VPS13B: variants seen among roughly 807,000 people sequenced by gnomAD.
The protein encoded by VPS13B is vacuolar protein sorting 13 homolog B, also known as intermembrane lipid transfer protein VPS13B.
Under a neutral mutation model 426.4 loss-of-function variants are expected in VPS13B, and 285 were observed. That is an observed-to-expected ratio of 0.67 (90% CI 0.61 to 0.74). VPS13B has a LOEUF of 0.74. VPS13B is among the 30% of genes least tolerant of loss of function. The probability of loss-of-function intolerance (pLI) is 0.00; values close to 1 mark genes in which losing one functional copy is unlikely to be tolerated. For synonymous variants in VPS13B, 1,676 were observed against 1,676.4 expected, an observed-to-expected ratio of 1.00 and a Z score of 0.01; for missense variants, 4,537 against 4,782.6, an observed-to-expected ratio of 0.95 and a Z score of 1.51.
Position 99,594,234 on chromosome 8 carries a change from G to C in VPS13B, c.5220+16601G>C, listed in dbSNP as rs143476122. Among the ~76,000 whole-genome samples, 125 of 152,042 alleles carry C rather than the reference G, an allele frequency of 8.2e-4. No individual in the cohort carries two copies. In the Middle Eastern group the frequency reaches 0.01, roughly 12 times the overall value. ...CATAGTGGTCAAGAACTTGAGCTTT[G>C]TTGTTGGAGTCCGGCAATAAATCCC... On this transcript the variant is annotated intron_variant, in intron 33 of 61. Transcript: ENST00000357162.
intron 17 of VPS13B, among the ~76,000 whole-genome samples, chr8:99,211,771 A>C (rs28617503): frequency 0.73 from 111,494 of 152,002 alleles, 41,633 homozygotes; most frequent in South Asian, 0.86. Flanking sequence ...GAGAGAAAAA[A>C]ATTACTTATG....
chr8:99,618,475 CA>C (rs1828206181), intron 33 of VPS13B, among the ~76,000 whole-genome samples: 1 of 152,152 alleles, frequency 6.6e-6, no homozygotes, highest in Non-Finnish European at 1.5e-5. Context: ...AATTGAGTGA[CA>C]AAGTGGTTGT....
At chr8:99,755,175 T>C (rs117932357) in intron 39 of VPS13B, among the ~76,000 whole-genome samples, 547 of 152,244 alleles carry the variant, frequency 3.6e-3, no homozygotes, top group Non-Finnish European at 6.6e-3. Flanking sequence ...CTCTCACCTC[T>C]GTCTGTCCTT....
At chr8:99,150,669 A>G (rs1811024597) in intron 14 of VPS13B, among the ~76,000 whole-genome samples, 1 of 152,194 alleles carries the variant, frequency 6.6e-6, no homozygotes, top group African/African-American at 2.4e-5. Flanking sequence ...TCTTTTACTT[A>G]GTGATATGGA....
At chr8:99,170,471 A>C (rs1462032805) in intron 16 of VPS13B, among the ~76,000 whole-genome samples, 1 of 151,832 alleles carries the variant, frequency 6.6e-6, no homozygotes, top group African/African-American at 2.4e-5. Context: ...TTTTTTCAAG[A>C]GTGGGTATAA....
At chr8:99,185,814 A>T (rs1563589804) in intron 16 of VPS13B, among the ~76,000 whole-genome samples, 1 of 151,670 alleles carries the variant, frequency 6.6e-6, no homozygotes, top group African/African-American at 2.4e-5. Flanking sequence ...AGAAGAAGGA[A>T]TTTTTTTTTA....
At chr8:99,331,480 C>G (rs186690395) in intron 19 of VPS13B, among the ~76,000 whole-genome samples, 118 of 151,844 alleles carry the variant, frequency 7.8e-4, no homozygotes, top group African/African-American at 2.7e-3. Flanking sequence ...GACTTATGTT[C>G]TCATTAGCAT....
At chr8:99,120,204 T>A (rs1398072874) in intron 7 of VPS13B, 2 of 150,758 alleles carry the variant, frequency 1.3e-5, no homozygotes, top group Non-Finnish European at 3.0e-5. Flanking sequence ...CTATGAATTT[T>A]ACACCCGGAC....
At chr8:99,421,227 T>C (rs887299371) in intron 21 of VPS13B, among the ~76,000 whole-genome samples, 1 of 152,254 alleles carries the variant, frequency 6.6e-6, no homozygotes, top group East Asian at 1.9e-4. Flanking sequence ...AAGATATAAT[T>C]GTTGATATGT....
chr8:99,256,811 G>A (rs187660356), intron 17 of VPS13B, among the ~76,000 whole-genome samples: 21 of 152,106 alleles, frequency 1.4e-4, no homozygotes, highest in African/African-American at 4.3e-4. Context: ...TAAGTGATTT[G>A]CAGATATTTT....
chr8:99,338,754 T>C (rs1811070620), intron 19 of VPS13B, among the ~76,000 whole-genome samples: 1 of 152,152 alleles, frequency 6.6e-6, no homozygotes, highest in African/African-American at 2.4e-5. Context: ...GTTTTGAAGC[T>C]TAGACATTCT....
intron 60 of VPS13B, 79 bp from the exon 61 acceptor site, chr8:99,871,369 C>A (rs1817403774): frequency 6.2e-7 from 1 of 1,607,960 alleles, no homozygotes; most frequent in Admixed American, 1.7e-5. Context: ...GAGGTTGCCC[C>A]ATTGGTAAAT....
intron 33 of VPS13B, among the ~76,000 whole-genome samples, chr8:99,609,588 T>C (rs1827755195): frequency 2.0e-5 from 3 of 152,192 alleles, no homozygotes; most frequent in South Asian, 2.1e-4. Flanking sequence ...TTAGTACAGC[T>C]TGCAGTTTAG....
intron 33 of VPS13B, among the ~76,000 whole-genome samples, chr8:99,617,098 GATACACAT>G (rs1236464154): frequency 6.6e-6 from 1 of 152,140 alleles, no homozygotes; most frequent in East Asian, 1.9e-4. Flanking sequence ...TATCAGCACA[GATACACAT>G]ATACACAAAA....
At chr8:99,296,112 T>A (rs1820027257) in intron 19 of VPS13B, among the ~76,000 whole-genome samples, 3 of 152,174 alleles carry the variant, frequency 2.0e-5, no homozygotes, top group African/African-American at 7.2e-5. Context: ...GTTGAAAAAT[T>A]TTATGCTGAA....
At chr8:99,266,222 T>C (rs1818289371) in intron 17 of VPS13B, among the ~76,000 whole-genome samples, 1 of 151,696 alleles carries the variant, frequency 6.6e-6, no homozygotes, top group South Asian at 2.1e-4. Flanking sequence ...GAATTAGGGT[T>C]AGCCTGGGCA....
intron 19 of VPS13B, among the ~76,000 whole-genome samples, chr8:99,308,831 C>T (rs1820790845): frequency 6.6e-6 from 1 of 152,102 alleles, no homozygotes; most frequent in Non-Finnish European, 1.5e-5. Flanking sequence ...TCCACATCCT[C>T]TCCAGCACCT....
chr8:99,113,248 G>A (rs140791426), intron 6 of VPS13B, among the ~76,000 whole-genome samples: 1 of 152,230 alleles, frequency 6.6e-6, no homozygotes, highest in Non-Finnish European at 1.5e-5. Flanking sequence ...ACAGGCGCAT[G>A]TCTCCATCCC....
chr8:99,294,507 A>G (rs1003834135), intron 19 of VPS13B, among the ~76,000 whole-genome samples: 1 of 150,714 alleles, frequency 6.6e-6, no homozygotes, highest in Non-Finnish European at 1.5e-5. Flanking sequence ...AACCTGCACA[A>G]TGTGCACATG....
Sources: gnomAD v4.1 joint callset for allele counts (sites outside exome capture counted in the v4.1 genomes callset) on GRCh38, gnomAD v4.1.1 for gene constraint, MANE v1.5 for transcripts, NCBI Gene and HGNC (gene_info 2026-07-23, HGNC 2026-07-21) for gene names.